FAT3: variants seen among roughly 807,000 people sequenced by gnomAD.
The protein encoded by FAT3 is FAT atypical cadherin 3.
A neutral mutation model predicts 310.2 loss-of-function variants in FAT3; 95 were observed. That is an observed-to-expected ratio of 0.31 (90% CI 0.26 to 0.36). The LOEUF (loss-of-function observed/expected upper bound fraction) is 0.36, where lower values mean the gene tolerates loss of function less well. Ranked by LOEUF, FAT3 falls within the 10% of genes least tolerant of loss-of-function variation. The pLI is 1.00. For synonymous variants in FAT3, 2,314 were observed against 2,192.9 expected, an observed-to-expected ratio of 1.06 and a Z score of -1.54; for missense variants, 5,408 against 5,715.6, an observed-to-expected ratio of 0.95 and a Z score of 1.74.
intron 2 of FAT3, among the ~76,000 whole-genome samples, chr11:92,416,611 A>G (rs1463444692): frequency 6.6e-6 from 1 of 152,196 alleles, no homozygotes. Context: ...ATTATTTCCA[A>G]ACTCTGTCAG....
intron 4 of FAT3, among the ~76,000 whole-genome samples, chr11:92,730,046 A>G (rs1229122216): frequency 6.6e-6 from 1 of 152,150 alleles, no homozygotes; most frequent in African/African-American, 2.4e-5. Flanking sequence ...ATAAAAATTG[A>G]TTAAAATTAA....
chr11:92,365,299 A>G (rs1056157299), intron 2 of FAT3, among the ~76,000 whole-genome samples: 1 of 152,190 alleles, frequency 6.6e-6, no homozygotes, highest in African/African-American at 2.4e-5. Flanking sequence ...ATGAATTAAG[A>G]TAAAAGTTTG....
At chr11:92,791,912 T>C (rs1413371602) in intron 8 of FAT3, among the ~76,000 whole-genome samples, 1 of 152,230 alleles carries the variant, frequency 6.6e-6, no homozygotes, top group Non-Finnish European at 1.5e-5. Context: ...TTCAGCACTT[T>C]GAAGAAAATG....
chr11:92,476,217 A>C (rs78777893), intron 2 of FAT3, among the ~76,000 whole-genome samples: 1 of 152,148 alleles, frequency 6.6e-6, no homozygotes, highest in African/African-American at 2.4e-5. Flanking sequence ...CCTTTAACTT[A>C]TTTTGGATTT....
At chr11:92,322,595 C>T (rs1017270380) in intron 1 of FAT3, among the ~76,000 whole-genome samples, 2 of 152,228 alleles carry the variant, frequency 1.3e-5, no homozygotes, top group African/African-American at 2.4e-5. Flanking sequence ...TCAAACTCTG[C>T]TGCTGCTTTA....
At chr11:92,827,289 G>A (rs977764682) in intron 13 of FAT3, among the ~76,000 whole-genome samples, 5 of 152,150 alleles carry the variant, frequency 3.3e-5, no homozygotes, top group African/African-American at 1.2e-4. Flanking sequence ...TTTTTCCTTT[G>A]TTGATTCTGG....
At chr11:92,822,855 C>T (rs1186495827) in intron 13 of FAT3, among the ~76,000 whole-genome samples, 2 of 152,160 alleles carry the variant, frequency 1.3e-5, no homozygotes, top group African/African-American at 4.8e-5. Flanking sequence ...AACCATTTAT[C>T]CTTCTCTGAG....
intron 1 of FAT3, among the ~76,000 whole-genome samples, chr11:92,341,839 C>T (rs1158586722): frequency 6.6e-6 from 1 of 152,160 alleles, no homozygotes; most frequent in East Asian, 1.9e-4. Context: ...TTATTTCTTG[C>T]ATAATTATTT....
intron 4 of FAT3, among the ~76,000 whole-genome samples, chr11:92,701,865 GT>G (rs773935491): frequency 3.9e-5 from 6 of 152,102 alleles, no homozygotes; most frequent in African/African-American, 1.4e-4. Flanking sequence ...TATGGATTGT[GT>G]TTTTTTGTTG....
intron 2 of FAT3, among the ~76,000 whole-genome samples, chr11:92,355,755 C>A (rs1948711899): frequency 6.6e-6 from 1 of 152,178 alleles, no homozygotes; most frequent in African/African-American, 2.4e-5. Flanking sequence ...AAGTAAATTA[C>A]ATTTGAATTG....
At chr11:92,753,935 G>A (rs1463729716) in intron 4 of FAT3, among the ~76,000 whole-genome samples, 1 of 151,856 alleles carries the variant, frequency 6.6e-6, no homozygotes, top group Non-Finnish European at 1.5e-5. Flanking sequence ...TCACTGATAT[G>A]TGGGAGCTAA....
intron 4 of FAT3, among the ~76,000 whole-genome samples, chr11:92,758,676 A>G (rs1319877964): frequency 2.0e-5 from 3 of 152,226 alleles, no homozygotes; most frequent in Admixed American, 2.0e-4. Flanking sequence ...TCACTCTACA[A>G]CAAAGGCAAA....
At position 92,890,816 on chromosome 11, in the gene FAT3, C is replaced by T. The variant is rs1412142629; in HGVS notation, c.13473C>T (p.Ser4491=). The part of the protein sequence containing the change: ...DCRRRPQFHP[S]QYLPPHPFPN... Reference sequence around the variant, plus strand: ...GGAGAAGGCCCCAGTTTCATCCTAGCCAGTATCTCCCTCCTCACCCATTCC... The same window carrying T: ...GGAGAAGGCCCCAGTTTCATCCTAGTCAGTATCTCCCTCCTCACCCATTCC... The change falls in exon 28 of 28, where the codon AGC becomes AGT. Residue 4491 remains serine, a synonymous_variant. Transcript: ENST00000525166. 2 of 1,613,606 alleles carry T rather than the reference C, an allele frequency of 1.2e-6. No individual in the cohort carries two copies. Among genetic ancestry groups the T allele is most frequent in the Non-Finnish European group, 1.7e-6 (2 of 1,179,814 alleles).
In FAT3 at chr11:92,354,854, G is replaced by C. The variant is rs1481826433; in HGVS notation, c.2742G>C (p.Gln914His). ...IEARDKAESG[Q>H]QLFSVVTLKV... is the part of the protein sequence containing the mutation. ...CCAGGGACAAGGCAGAGAGTGGTCA[G>C]CAGCTGTTTTCAGTTGTCACTCTTA... The change falls in exon 2 of 28, where the codon CAG becomes CAC. Residue 914 changes from glutamine to histidine, a missense_variant. Gln to His is a conservative substitution (Grantham distance 24, BLOSUM62 0). This residue lies in a region of FAT3 where 4,588 missense variants were observed against 4,809.8 expected (regional missense o/e 0.95). Coordinates refer to ENST00000525166, the MANE Select transcript of FAT3 (RefSeq NM_001367949.2). 2 of 1,613,904 alleles carry C rather than the reference G, an allele frequency of 1.2e-6. No homozygotes were observed. Among genetic ancestry groups the C allele is most frequent in the Non-Finnish European group, 1.7e-6 (2 of 1,179,858 alleles).
At chr11:92,712,120 G>T (rs1161513603) in intron 4 of FAT3, among the ~76,000 whole-genome samples, 1 of 152,124 alleles carries the variant, frequency 6.6e-6, no homozygotes, top group Non-Finnish European at 1.5e-5. Flanking sequence ...AGAGGGAAAG[G>T]ATCCAAACCA....
chr11:92,488,807 C>T (rs926044100), intron 2 of FAT3, among the ~76,000 whole-genome samples: 1 of 152,116 alleles, frequency 6.6e-6, no homozygotes, highest in Non-Finnish European at 1.5e-5. Flanking sequence ...AAAGCACGGG[C>T]ACTGAAATCC....
intron 2 of FAT3, among the ~76,000 whole-genome samples, chr11:92,440,426 G>C (rs1458834176): frequency 6.6e-6 from 1 of 152,228 alleles, no homozygotes; most frequent in Non-Finnish European, 1.5e-5. Context: ...GTAACTCTCA[G>C]ATCATCGTTG....
At chr11:92,228,440 T>A (rs1366154321) in intron 1 of FAT3, among the ~76,000 whole-genome samples, 1 of 152,176 alleles carries the variant, frequency 6.6e-6, no homozygotes, top group African/African-American at 2.4e-5. Flanking sequence ...TACGGTTATT[T>A]TGCTAGCCCA....
At position 92,799,841 on chromosome 11, in the gene FAT3, A is replaced by G. The variant is rs1323768966; in HGVS notation, c.6828A>G (p.Leu2276=). Residue 2276 remains leucine (L), a synonymous_variant, in exon 10 of 28, where the codon CTA becomes CTG. Coordinates refer to ENST00000525166, the MANE Select transcript of FAT3 (RefSeq NM_001367949.2). The stretch of plus-strand genomic sequence containing the variant: ...GGGCTGAAGTCACTGTTGACTTGCT[A>G]GTTAATGATGTAAATGACAACCCCC... ...GARAEVTVDL[L]VNDVNDNPPI... 3 of 1,613,444 alleles carry G rather than the reference A, an allele frequency of 1.9e-6. No homozygotes were observed. In the Admixed American group the frequency reaches 5.0e-5, roughly 27 times the overall value.
Sources: allele counts gnomAD v4.1 joint callset (sites outside exome capture counted in the v4.1 genomes callset), GRCh38; gene constraint gnomAD v4.1.1; regional missense constraint gnomAD v4.1.1; transcripts MANE v1.5; gene names NCBI Gene and HGNC (gene_info 2026-07-23, HGNC 2026-07-21).